PRKDC: variants seen among roughly 807,000 people sequenced by gnomAD.
The protein encoded by PRKDC is DNA-dependent protein kinase catalytic subunit.
In PRKDC, 82 loss-of-function variants were observed where a neutral mutation model predicts 486.9. The observed-to-expected ratio is 0.17, with a 90% CI of 0.14 to 0.20. The LOEUF (loss-of-function observed/expected upper bound fraction) is 0.20, where lower values mean the gene tolerates loss of function less well. Ranked by LOEUF, PRKDC falls within the 10% of genes least tolerant of loss-of-function variation. The probability of loss-of-function intolerance (pLI) is 1.00; values close to 1 mark genes in which losing one functional copy is unlikely to be tolerated. For missense variants in PRKDC, 4,504 were observed against 5,038.2 expected (o/e 0.89, Z 3.21); for synonymous variants, 1,895 against 1,837.0 (o/e 1.03, Z -0.81).
At chr8:47,954,192 T>C (rs1047334290) in intron 5 of PRKDC, 146 bp downstream of exon 5, 7 of 465,878 alleles carry the variant, frequency 1.5e-5, no homozygotes, top group African/African-American at 1.4e-4. Context: ...ATGTTGTTTT[T>C]GTTTGGTTCC....
Position 47,803,421 on chromosome 8 carries a change from T to G in PRKDC, c.9807A>C (p.Arg3269Ser). The change falls in exon 70 of 86, where the codon AGA becomes AGC. Residue 3269 changes from arginine to serine, a missense_variant. Coordinates refer to ENST00000314191, the MANE Select transcript of PRKDC (RefSeq NM_006904.7). Reference sequence around the variant, plus strand: ...GCACCCAGCTCACCAGCCAATCGTCTCTGGTTTTTGACTCTTTATGCAGCT... The same window carrying G: ...GCACCCAGCTCACCAGCCAATCGTCGCTGGTTTTTGACTCTTTATGCAGCT... The part of the protein sequence containing the change: ...LKELHKESKT[R>S]DDWLVSWVQS... 6.2e-7 allele frequency: 1 copy of G among 1,614,012 alleles called. No homozygotes were observed.
chr8:47,928,682 T>C (rs1392173624), intron 19 of PRKDC, among the ~76,000 whole-genome samples: 2 of 151,744 alleles, frequency 1.3e-5, no homozygotes, highest in South Asian at 2.1e-4. Context: ...CCTCCTAACC[T>C]GACACAATTG....
chr8:47,956,928 G>A (rs540900248), intron 3 of PRKDC, among the ~76,000 whole-genome samples: 5 of 107,896 alleles, frequency 4.6e-5, no homozygotes, highest in African/African-American at 1.8e-4. Flanking sequence ...AAAGGCCTTA[G>A]CTTACTAAAT....
rs751047513 is a variant in PRKDC at position 47,927,248 on chromosome 8, A to C, written c.2365T>G (p.Tyr789Asp). ...YIDRHVMQPY[Y>D]KDILPCLDGY... ...TCCAGGCAGGGGAGAATGTCTTTGT[A>C]ATAAGGCTGCATTACATGTCTGTCA... Residue 789 changes from tyrosine (Y) to aspartate (D), a missense_variant, in exon 21 of 86, where the codon TAC (tyrosine) becomes GAC (aspartate). This residue lies in a region of PRKDC where 1,969 missense variants were observed against 2,068.9 expected (regional missense o/e 0.95). Coordinates refer to ENST00000314191, the MANE Select transcript of PRKDC (RefSeq NM_006904.7). 1 of 1,613,870 alleles carries C rather than the reference A, an allele frequency of 6.2e-7. No homozygotes were observed. The highest frequency in any genetic ancestry group is 1.1e-5 in the South Asian group (1 of 91,060).
chr8:47,850,867 T>A lies in PRKDC; in HGVS notation c.7006-1364A>T, dbSNP rs143212622. ...CTCTGTCGCCCAGGCTGGAGTGCAG[T>A]GGTGTGATCTCAGCTCACTCCAACC... On this transcript the variant is annotated intron_variant, in intron 52 of 85. Transcript: ENST00000314191. Among the ~76,000 whole-genome samples the A allele has an allele frequency of 3.7e-3, 569 of 152,298 alleles. 1 individual carries two copies. The highest frequency in any genetic ancestry group is 6.9e-3 in the Non-Finnish European group (469 of 68,022).
At chr8:47,947,163 G>A (rs1448350003) in intron 7 of PRKDC, among the ~76,000 whole-genome samples, 2 of 152,190 alleles carry the variant, frequency 1.3e-5, no homozygotes, top group African/African-American at 4.8e-5. Flanking sequence ...CGAGCATGGG[G>A]CCAGGTGCTG....
Position 47,835,620 on chromosome 8 carries a change from C to CAAAAAAAA in PRKDC, c.7951+710_7951+717dup, listed in dbSNP as rs71548446. Reference sequence around the variant, plus strand: ...CTGGTGACAGAGCAGGACTCTGTCTCAAAAAAAAAAAAAAAAAAAAAAAAA... The same window carrying CAAAAAAAA: ...CTGGTGACAGAGCAGGACTCTGTCTCAAAAAAAAAAAAAAAAAAAAAAAAAAAAAAAAA... On this transcript the variant is annotated intron_variant, in intron 58 of 85. Transcript: ENST00000314191. Among the ~76,000 whole-genome samples the CAAAAAAAA allele has an allele frequency of 9.8e-4, 20 of 20,480 alleles. 3 individuals are homozygous for CAAAAAAAA. Among genetic ancestry groups the CAAAAAAAA allele is most frequent in the African/African-American group, 8.4e-4 (5 of 5,928 alleles). The allele number at this position is 20,480 out of a possible 152,430, so 13.4% of individuals were successfully genotyped here.
At chr8:47,855,164 GAC>G (rs1200510038) in intron 50 of PRKDC, 56 bp downstream of exon 50, 18 of 1,401,964 alleles carry the variant, frequency 1.3e-5, no homozygotes, top group Non-Finnish European at 1.6e-5. Context: ...CATCATTTAC[GAC>G]ACACTACATT....
At chr8:47,802,136 G>A (rs1336436465) in intron 70 of PRKDC, among the ~76,000 whole-genome samples, 1 of 152,014 alleles carries the variant, frequency 6.6e-6, no homozygotes, top group Admixed American at 6.6e-5. Context: ...ACTCACACAG[G>A]CACAATCATG....
chr8:47,913,783 C>G, intron 24 of PRKDC, 118 bp downstream of exon 24: 1 of 1,044,762 alleles, frequency 9.6e-7, no homozygotes, highest in Non-Finnish European at 1.3e-6. Context: ...TACTATATTA[C>G]AGAAAATACA....
intron 37 of PRKDC, 30 bp downstream of exon 37, chr8:47,881,882 A>T: frequency 6.4e-7 from 1 of 1,562,078 alleles, no homozygotes; most frequent in South Asian, 1.2e-5. Context: ...AGAAGAATAA[A>T]CATGACTGCT....
intron 1 of PRKDC, among the ~76,000 whole-genome samples, chr8:47,958,180 C>G (rs1190187303): frequency 1.3e-5 from 2 of 152,110 alleles, no homozygotes; most frequent in Non-Finnish European, 2.9e-5. Context: ...TTCCAAACCT[C>G]TAGTTAGGGG....
chr8:47,880,139 G>A (rs1387094598), intron 38 of PRKDC, among the ~76,000 whole-genome samples: 5 of 151,996 alleles, frequency 3.3e-5, no homozygotes, highest in Admixed American at 2.6e-4. Flanking sequence ...GTGAGCCACC[G>A]CACCCAGCCT....
At chr8:47,780,114 C>CA (rs2086674191) in intron 80 of PRKDC, among the ~76,000 whole-genome samples, 2 of 151,604 alleles carry the variant, frequency 1.3e-5, no homozygotes, top group Admixed American at 1.3e-4. Context: ...AGGGTTTTGC[C>CA]ATGTTGACCA....
intron 21 of PRKDC, 187 bp downstream of exon 21, chr8:47,927,007 C>A: frequency 1.6e-6 from 1 of 614,002 alleles, no homozygotes; most frequent in Non-Finnish European, 2.6e-6. Context: ...TTTTTTAATA[C>A]CTCAACTATA....
At chr8:47,824,827 T>G (rs543449983) in intron 63 of PRKDC, among the ~76,000 whole-genome samples, 6 of 152,224 alleles carry the variant, frequency 3.9e-5, no homozygotes, top group African/African-American at 1.4e-4. Flanking sequence ...TCTTTCCATC[T>G]TGCAGTCTCA....
chr8:47,929,467 A>G (rs1210527062), intron 18 of PRKDC, among the ~76,000 whole-genome samples: 3 of 152,182 alleles, frequency 2.0e-5, no homozygotes, highest in African/African-American at 4.8e-5. Context: ...GACTGACTGG[A>G]GCGTCGAGAA....
chr8:47,867,387 A>G (rs925498324), intron 40 of PRKDC, among the ~76,000 whole-genome samples: 1 of 152,252 alleles, frequency 6.6e-6, no homozygotes, highest in Non-Finnish European at 1.5e-5. Flanking sequence ...CTAAAATTTG[A>G]AAGTTAAATA....
At chr8:47,808,152 A>G (rs1055707583) in intron 68 of PRKDC, among the ~76,000 whole-genome samples, 3 of 151,970 alleles carry the variant, frequency 2.0e-5, no homozygotes, top group African/African-American at 7.3e-5. Flanking sequence ...TTTCTTTTTT[A>G]TTTTTTTGAG....
Sources: gnomAD v4.1 joint callset for allele counts (sites outside exome capture counted in the v4.1 genomes callset) on GRCh38, gnomAD v4.1.1 for gene constraint, gnomAD v4.1.1 regional missense constraint, MANE v1.5 for transcripts, NCBI Gene and HGNC (gene_info 2026-07-23, HGNC 2026-07-21) for gene names.